Variants in SLIT3 observed in about 807,000 individuals in gnomAD.
SLIT3 encodes slit guidance ligand 3.
SLIT3 carries 68 observed loss-of-function variants against 184.0 expected under a neutral mutation model. That is an observed-to-expected ratio of 0.37 (90% CI 0.30 to 0.45). SLIT3 has a LOEUF of 0.45. Ranked by LOEUF, SLIT3 falls within the 20% of genes least tolerant of loss-of-function variation. The pLI is 1.00. For missense variants in SLIT3, 1,707 were observed against 2,026.0 expected (o/e 0.84, Z 3.02); for synonymous variants, 831 against 828.6 (o/e 1.00, Z -0.05).
At chr5:169,097,131 G>T (rs1759815433) in intron 4 of SLIT3, among the ~76,000 whole-genome samples, 1 of 152,172 alleles carries the variant, frequency 6.6e-6, no homozygotes, top group Non-Finnish European at 1.5e-5. Context: ...TTCCTTGTTA[G>T]GACCCATGAG....
At chr5:169,027,699 AGG>A (rs1756879882) in intron 4 of SLIT3, among the ~76,000 whole-genome samples, 1 of 152,194 alleles carries the variant, frequency 6.6e-6, no homozygotes, top group Non-Finnish European at 1.5e-5. Context: ...GAGGCAGGCG[AGG>A]GACGTCACTT....
At chr5:169,199,640 T>C (rs1354849116) in intron 3 of SLIT3, among the ~76,000 whole-genome samples, 2 of 152,174 alleles carry the variant, frequency 1.3e-5, no homozygotes, top group African/African-American at 2.4e-5. Context: ...TTAGCATCCC[T>C]ATATTTAGGA....
At chr5:169,065,304 C>T (rs1758312447) in intron 4 of SLIT3, among the ~76,000 whole-genome samples, 1 of 152,190 alleles carries the variant, frequency 6.6e-6, no homozygotes, top group Admixed American at 6.5e-5. Context: ...TAGTGTATCA[C>T]ACAGCCTGCT....
At chr5:169,195,769 G>A (rs569563366) in intron 3 of SLIT3, among the ~76,000 whole-genome samples, 1 of 152,042 alleles carries the variant, frequency 6.6e-6, no homozygotes, top group South Asian at 2.1e-4. Flanking sequence ...CAAGTGATCC[G>A]CCCACCTCAG....
intron 4 of SLIT3, among the ~76,000 whole-genome samples, chr5:169,109,837 C>T (rs1760348917): frequency 6.6e-6 from 1 of 152,168 alleles, no homozygotes; most frequent in African/African-American, 2.4e-5. Flanking sequence ...TTCAAGGGGC[C>T]CTGGCTGCCT....
intron 1 of SLIT3, among the ~76,000 whole-genome samples, chr5:169,291,433 C>T (rs898982861): frequency 1.3e-5 from 2 of 152,196 alleles, no homozygotes; most frequent in Non-Finnish European, 2.9e-5. Flanking sequence ...CTAAACATCC[C>T]CATGAGATAA....
At chr5:168,877,018 A>G (rs982991694) in intron 5 of SLIT3, among the ~76,000 whole-genome samples, 2 of 152,230 alleles carry the variant, frequency 1.3e-5, no homozygotes, top group African/African-American at 4.8e-5. Context: ...TCATTCTTTC[A>G]ATACATTTCT....
At chr5:168,950,435 G>A (rs1762614042) in intron 4 of SLIT3, among the ~76,000 whole-genome samples, 1 of 152,216 alleles carries the variant, frequency 6.6e-6, no homozygotes, top group Non-Finnish European at 1.5e-5. Flanking sequence ...AATATATAGA[G>A]CAGAGGAAGA....
Position 168,753,840 on chromosome 5 carries a change from C to T in SLIT3, c.1829+24G>A, listed in dbSNP as rs1363736740. 2.5e-6 allele frequency: 4 copies of T among 1,605,866 alleles called. No homozygotes were observed. In the African/African-American group the frequency reaches 4.0e-5, roughly 16 times the overall value. ...CTCCCGTCTCCCTCTGGGTCTTGGC[C>T]CAGGCCCCACCCCAGGCACTCACAA... On this transcript the variant is annotated intron_variant, in intron 17 of 35. Transcript: ENST00000519560.
intron 4 of SLIT3, among the ~76,000 whole-genome samples, chr5:168,974,254 C>T (rs1754678861): frequency 6.6e-6 from 1 of 152,190 alleles, no homozygotes. Context: ...GCTTCACACT[C>T]TACTGAAGTC....
intron 12 of SLIT3, among the ~76,000 whole-genome samples, chr5:168,775,291 G>A (rs186446452): frequency 1.6e-4 from 25 of 152,138 alleles, no homozygotes; most frequent in African/African-American, 5.3e-4. Context: ...GCCTGCCTTG[G>A]CCTCCAAAGT....
At chr5:168,935,133 G>A (rs1383721712) in intron 4 of SLIT3, among the ~76,000 whole-genome samples, 29 of 115,786 alleles carry the variant, frequency 2.5e-4, no homozygotes, top group African/African-American at 8.7e-4. Flanking sequence ...GCAAGACTCC[G>A]TCTCAAAAAA....
intron 4 of SLIT3, among the ~76,000 whole-genome samples, chr5:169,062,040 C>T (rs1038915867): frequency 7.9e-5 from 12 of 152,118 alleles, no homozygotes; most frequent in African/African-American, 2.2e-4. Flanking sequence ...AAAAATTAGA[C>T]GGGCGTGGTG....
chr5:168,793,220 CT>C (rs56883124), intron 10 of SLIT3, among the ~76,000 whole-genome samples: 2 of 151,988 alleles, frequency 1.3e-5, no homozygotes, highest in South Asian at 2.1e-4. Flanking sequence ...AGAGAGAATT[CT>C]TTTTTTTCTC....
intron 4 of SLIT3, among the ~76,000 whole-genome samples, chr5:169,021,382 G>A (rs374559594): frequency 1.3e-5 from 2 of 151,860 alleles, no homozygotes; most frequent in East Asian, 1.9e-4. Flanking sequence ...GGAGTCTCTT[G>A]CTCTGTCACC....
intron 32 of SLIT3, among the ~76,000 whole-genome samples, chr5:168,682,318 C>G (rs1263319696): frequency 6.6e-6 from 1 of 152,240 alleles, no homozygotes; most frequent in Non-Finnish European, 1.5e-5. Context: ...ACAAGTTCTT[C>G]CCTTTCTTCA....
chr5:168,753,101 A>G lies in SLIT3; in HGVS notation c.1830-3T>C, dbSNP rs777401587. 1.1e-5 allele frequency: 17 copies of G among 1,613,976 alleles called. No homozygotes were observed. The South Asian group carries it at 1.9e-4, about 18-fold the overall frequency. The stretch of plus-strand genomic sequence containing the variant: ...CGATCAAGTTACTCCTCAGCATCCT[A>G]CAGGGAGAGGGGTGGGGATGAGAGA... On this transcript the variant is annotated splice_region_variant and splice_polypyrimidine_tract_variant and intron_variant, in intron 17 of 35. Transcript: ENST00000519560.
At chr5:168,999,916 T>C (rs938037137) in intron 4 of SLIT3, among the ~76,000 whole-genome samples, 1 of 152,204 alleles carries the variant, frequency 6.6e-6, no homozygotes, top group Non-Finnish European at 1.5e-5. Context: ...TTGTGGCTCA[T>C]GGCTTGGAGT....
chr5:169,108,649 C>A (rs1448685821), intron 4 of SLIT3, among the ~76,000 whole-genome samples: 1 of 152,100 alleles, frequency 6.6e-6, no homozygotes, highest in Non-Finnish European at 1.5e-5. Flanking sequence ...TTTTAATGCT[C>A]TTGGTGGATG....
Sources: gnomAD v4.1 joint callset for allele counts (sites outside exome capture counted in the v4.1 genomes callset) on GRCh38, gnomAD v4.1.1 for gene constraint, MANE v1.5 for transcripts, NCBI Gene and HGNC (gene_info 2026-07-23, HGNC 2026-07-21) for gene names.